Variants in POLA1 observed in about 807,000 individuals in gnomAD.
POLA1 encodes DNA polymerase alpha 1, catalytic subunit, also known as DNA polymerase alpha catalytic subunit.
POLA1 carries 15 observed loss-of-function variants against 124.0 expected under a neutral mutation model. The observed-to-expected ratio is 0.12, with a 90% CI of 0.08 to 0.19. The LOEUF (loss-of-function observed/expected upper bound fraction) is 0.19. Ranked by LOEUF, POLA1 falls within the 10% of genes least tolerant of loss-of-function variation. The pLI is 1.00. For synonymous variants in POLA1, 408 were observed against 389.4 expected (o/e 1.05, Z -0.56); for missense variants, 886 against 1,103.4 (o/e 0.80, Z 2.79).
At chrX:24,815,159 C>T (rs908223879) in intron 30 of POLA1, 48 bp downstream of exon 30, 2 of 1,105,626 alleles carry the variant, frequency 1.8e-6, no homozygotes, top group African/African-American at 1.8e-5. Context: ...ATGTGTTTTT[C>T]ACCTCCTTCA....
In POLA1 at chrX:24,795,065, T is replaced by G. The variant is rs531922908; in HGVS notation, c.2965-14833T>G. Among the ~76,000 whole-genome samples, 4 of 111,053 alleles carry G rather than the reference T, an allele frequency of 3.6e-5. No homozygotes were observed. In the South Asian group the frequency reaches 1.5e-3, roughly 43 times the overall value. On this transcript the variant is annotated intron_variant, in intron 26 of 36. Transcript: ENST00000379068. Reference sequence around the variant, plus strand: ...TTCTTCCTAACCATATTCTTTAAATTTTTTTGACTTACATTTAATTTTACA... The same window carrying G: ...TTCTTCCTAACCATATTCTTTAAATGTTTTTGACTTACATTTAATTTTACA...
intron 10 of POLA1, among the ~76,000 whole-genome samples, 181 bp downstream of exon 10, chrX:24,717,939 C>G (rs1225103589): frequency 1.8e-5 from 2 of 110,752 alleles, no homozygotes; most frequent in African/African-American, 6.6e-5. Context: ...AGGCCCTGCC[C>G]TCACTTAACA....
At chrX:24,872,802 A>G (rs1423293416) in intron 34 of POLA1, among the ~76,000 whole-genome samples, 1 of 111,962 alleles carries the variant, frequency 8.9e-6, no homozygotes, top group Non-Finnish European at 1.9e-5. Flanking sequence ...GAAGGATCAA[A>G]AACTTAAACT....
intron 26 of POLA1, among the ~76,000 whole-genome samples, chrX:24,768,285 TG>T (rs746436904): frequency 8.9e-6 from 1 of 112,550 alleles, no homozygotes; most frequent in South Asian, 3.7e-4. Context: ...TCATAGTTAA[TG>T]TGGCCTTTGG....
intron 36 of POLA1, among the ~76,000 whole-genome samples, chrX:24,969,528 G>C (rs1000429720): frequency 9.4e-6 from 1 of 106,728 alleles, no homozygotes; most frequent in African/African-American, 3.4e-5. Flanking sequence ...TTTTTTTTTT[G>C]CTGAAATCTC....
At chrX:24,699,280 G>T in intron 1 of POLA1, 145 bp from the exon 2 acceptor site, 1 of 396,314 alleles carries the variant, frequency 2.5e-6, no homozygotes, top group East Asian at 4.2e-5. Context: ...CATGAGCTTT[G>T]TGAATTATTT....
At position 24,695,026 on chromosome X, in the gene POLA1, C is replaced by A. The variant is rs146468682; in HGVS notation, c.43+1022C>A. ...CCTCTATCAGTGATTTGCCACTAAG[C>A]CCTTTCTTCATCCTAAAAACTACGT... On this transcript the variant is annotated intron_variant, in intron 1 of 36. Coordinates refer to ENST00000379068, the MANE Select transcript of POLA1 (RefSeq NM_001330360.2). 3.5e-3 allele frequency among the ~76,000 whole-genome samples: 389 copies of A among 112,070 alleles called. 3 individuals are homozygous for A. The highest frequency in any genetic ancestry group is 0.012 in the African/African-American group (356 of 30,860).
At chrX:24,769,064 A>G (rs1300265674) in intron 26 of POLA1, among the ~76,000 whole-genome samples, 3 of 111,646 alleles carry the variant, frequency 2.7e-5, no homozygotes, top group Non-Finnish European at 5.6e-5. Context: ...AGGGGTTTCC[A>G]GTTTTTCAAC....
intron 35 of POLA1, among the ~76,000 whole-genome samples, chrX:24,892,269 C>T (rs1235993765): frequency 2.7e-5 from 3 of 110,586 alleles, no homozygotes; most frequent in Non-Finnish European, 3.8e-5. Flanking sequence ...CATTTAAATA[C>T]GAGAGTGAAA....
At chrX:24,988,295 A>C (rs1053253948) in intron 36 of POLA1, among the ~76,000 whole-genome samples, 1 of 112,565 alleles carries the variant, frequency 8.9e-6, no homozygotes, top group Non-Finnish European at 1.9e-5. Flanking sequence ...TTGACCATTA[A>C]CATGGTCTCA....
At chrX:24,899,825 C>T (rs1051547159) in intron 35 of POLA1, among the ~76,000 whole-genome samples, 1 of 111,631 alleles carries the variant, frequency 9.0e-6, no homozygotes, top group African/African-American at 3.3e-5. Context: ...CCTGTTGGCA[C>T]GAGACCTTTC....
intron 26 of POLA1, among the ~76,000 whole-genome samples, chrX:24,781,563 G>A: frequency 8.9e-6 from 1 of 111,757 alleles, no homozygotes. Flanking sequence ...TTAGGAAAAG[G>A]TGAAAAAGAG....
chrX:24,735,354 G>A (rs770223568), intron 17 of POLA1, 45 bp from the exon 18 acceptor site: 14 of 789,547 alleles, frequency 1.8e-5, no homozygotes, highest in African/African-American at 1.2e-4. Flanking sequence ...CAGTACTTGC[G>A]GACAGTAAAG....
At chrX:24,896,703 C>T (rs1262159989) in intron 35 of POLA1, among the ~76,000 whole-genome samples, 1 of 111,902 alleles carries the variant, frequency 8.9e-6, no homozygotes, top group Non-Finnish European at 1.9e-5. Context: ...GGAACAAATA[C>T]ATGTAGCAAT....
At chrX:24,739,125 C>T (rs1360953519) in intron 19 of POLA1, among the ~76,000 whole-genome samples, 1 of 111,700 alleles carries the variant, frequency 9.0e-6, no homozygotes, top group Non-Finnish European at 1.9e-5. Context: ...TATATAATTT[C>T]TTGTTTATGA....
chrX:24,924,206 A>G (rs2047659488), intron 35 of POLA1, among the ~76,000 whole-genome samples: 1 of 111,979 alleles, frequency 8.9e-6, no homozygotes, highest in African/African-American at 3.2e-5. Flanking sequence ...TCACATATCC[A>G]CTGTGTACTT....
In POLA1 at chrX:24,996,839, C is replaced by G. The variant is rs112928837; in HGVS notation, c.*889C>G. Reference sequence around the variant, plus strand: ...GTATTTCAGTATGGCAGTCTTTCCTCTCTTACATTATTGGTAAGATTATAC... The same window carrying G: ...GTATTTCAGTATGGCAGTCTTTCCTGTCTTACATTATTGGTAAGATTATAC... On this transcript the variant is annotated 3_prime_UTR_variant, in exon 37 of 37. Transcript: ENST00000379068. 8.9e-6 allele frequency: 1 copy of G among 111,999 alleles called. No individual in the cohort carries two copies. Among genetic ancestry groups the G allele is most frequent in the African/African-American group, 3.3e-5 (1 of 30,725 alleles). The allele number at this position is 111,999 out of a possible 1,213,427, so 9.2% of individuals were successfully genotyped here.
chrX:24,901,056 G>T (rs761836459), intron 35 of POLA1, among the ~76,000 whole-genome samples: 1 of 111,879 alleles, frequency 8.9e-6, no homozygotes, highest in Non-Finnish European at 1.9e-5. Flanking sequence ...GATACAGCCA[G>T]TAGGTATACA....
At chrX:24,873,346 A>G (rs1278153660) in intron 34 of POLA1, among the ~76,000 whole-genome samples, 2 of 112,097 alleles carry the variant, frequency 1.8e-5, no homozygotes, top group Non-Finnish European at 3.8e-5. Flanking sequence ...CTACTTTGCA[A>G]TTCTAATTTG....
Sources: gnomAD v4.1 joint callset for allele counts (sites outside exome capture counted in the v4.1 genomes callset) on GRCh38, gnomAD v4.1.1 for gene constraint, MANE v1.5 for transcripts, NCBI Gene and HGNC (gene_info 2026-07-23, HGNC 2026-07-21) for gene names.